The following ADGRB3 variants were observed in gnomAD, a reference collection of about 807,000 sequenced individuals.
ADGRB3 encodes adhesion G protein-coupled receptor B3, also known as brain-specific angiogenesis inhibitor 3.
In ADGRB3, 37 loss-of-function variants were observed where a neutral mutation model predicts 193.4. That is an observed-to-expected ratio of 0.19 (90% CI 0.15 to 0.25). ADGRB3 has a LOEUF of 0.25. Ranked by LOEUF, ADGRB3 falls within the 10% of genes least tolerant of loss-of-function variation. The probability of loss-of-function intolerance (pLI) is 1.00; values close to 1 mark genes in which losing one functional copy is unlikely to be tolerated. For synonymous variants in ADGRB3, 690 were observed against 644.2 expected (o/e 1.07, Z -1.08); for missense variants, 1,637 against 1,852.9 (o/e 0.88, Z 2.14).
intron 18 of ADGRB3, among the ~76,000 whole-genome samples, chr6:69,234,199 C>T (rs1016992627): frequency 5.3e-5 from 8 of 152,058 alleles, no homozygotes; most frequent in African/African-American, 1.9e-4. Flanking sequence ...TTAGAACACG[C>T]TTAAAGTGTA....
intron 27 of ADGRB3, among the ~76,000 whole-genome samples, chr6:69,355,046 C>T (rs1161420412): frequency 1.3e-5 from 2 of 152,058 alleles, no homozygotes; most frequent in African/African-American, 2.4e-5. Context: ...CTAGATGATA[C>T]ATTAGTAACT....
chr6:68,845,957 T>C (rs889479164), intron 3 of ADGRB3, among the ~76,000 whole-genome samples: 1 of 152,150 alleles, frequency 6.6e-6, no homozygotes, highest in Non-Finnish European at 1.5e-5. Context: ...TGGGAAAGTT[T>C]AGAACTTCCT....
intron 17 of ADGRB3, among the ~76,000 whole-genome samples, chr6:69,132,482 T>C (rs1774037766): frequency 6.6e-6 from 1 of 152,200 alleles, no homozygotes; most frequent in South Asian, 2.1e-4. Flanking sequence ...GTTTGTTTTT[T>C]TCTTGTAAAT....
At chr6:68,971,210 A>G (rs1046507422) in intron 8 of ADGRB3, among the ~76,000 whole-genome samples, 11 of 152,196 alleles carry the variant, frequency 7.2e-5, no homozygotes, top group African/African-American at 1.9e-4. Context: ...AACATGTACA[A>G]AGTTTTTTCT....
chr6:69,068,264 T>A (rs946691899), intron 16 of ADGRB3, among the ~76,000 whole-genome samples: 4 of 152,178 alleles, frequency 2.6e-5, no homozygotes, highest in African/African-American at 9.6e-5. Flanking sequence ...AAAACGCATA[T>A]GTGTGTTACA....
chr6:69,288,854 A>G (rs1199468462), intron 20 of ADGRB3, among the ~76,000 whole-genome samples: 2 of 152,090 alleles, frequency 1.3e-5, no homozygotes, highest in Non-Finnish European at 2.9e-5. Context: ...TGGTTTTCTT[A>G]TATGTCAAGG....
intron 17 of ADGRB3, among the ~76,000 whole-genome samples, chr6:69,160,597 T>C (rs192462883): frequency 6.6e-6 from 1 of 152,240 alleles, no homozygotes; most frequent in East Asian, 1.9e-4. Context: ...TCATCTAGCA[T>C]AGCTATTCGT....
chr6:68,991,955 C>T (rs9454665), intron 10 of ADGRB3, among the ~76,000 whole-genome samples: 4,348 of 152,190 alleles, frequency 0.029, 208 homozygotes, highest in African/African-American at 0.099. Context: ...AAAGCCCATT[C>T]CATTATATTG....
At chr6:69,342,398 A>G (rs1157848489) in intron 26 of ADGRB3, among the ~76,000 whole-genome samples, 2 of 152,106 alleles carry the variant, frequency 1.3e-5, no homozygotes, top group Non-Finnish European at 2.9e-5. Context: ...CTGTAAATAC[A>G]CAGAGCAGAT....
chr6:68,686,056 A>T (rs1303311231), intron 3 of ADGRB3, among the ~76,000 whole-genome samples: 4 of 152,184 alleles, frequency 2.6e-5, no homozygotes, highest in Admixed American at 2.6e-4. Flanking sequence ...TGTGTCCTTT[A>T]AAGGCTTTCT....
intron 3 of ADGRB3, among the ~76,000 whole-genome samples, chr6:68,796,623 A>G (rs1236484988): frequency 6.6e-6 from 1 of 152,182 alleles, no homozygotes; most frequent in Non-Finnish European, 1.5e-5. Context: ...GGTCTCTGTT[A>G]TCTTGGTGAC....
chr6:69,210,149 C>CATATATATATATATATATATGAT (rs1765629419), intron 17 of ADGRB3, among the ~76,000 whole-genome samples: 2 of 78,932 alleles, frequency 2.5e-5, no homozygotes, highest in South Asian at 3.3e-4. Context: ...TAATATATAT[C>CATATATATATATATATATATGAT]ATATATATAT....
At chr6:69,316,709 A>G (rs539111446) in intron 20 of ADGRB3, among the ~76,000 whole-genome samples, 1 of 151,610 alleles carries the variant, frequency 6.6e-6, no homozygotes, top group South Asian at 2.1e-4. Flanking sequence ...CTGTGGGATA[A>G]AAGCTTAGGG....
At chr6:69,323,190 A>C (rs1482024080) in intron 20 of ADGRB3, among the ~76,000 whole-genome samples, 1 of 152,008 alleles carries the variant, frequency 6.6e-6, no homozygotes, top group Non-Finnish European at 1.5e-5. Context: ...ACAGTTTAAA[A>C]ATAGAGATGG....
At chr6:68,779,832 C>A (rs1013890599) in intron 3 of ADGRB3, among the ~76,000 whole-genome samples, 1 of 152,080 alleles carries the variant, frequency 6.6e-6, no homozygotes, top group Non-Finnish European at 1.5e-5. Flanking sequence ...GTACTGACTT[C>A]TTTATTTCCC....
intron 11 of ADGRB3, among the ~76,000 whole-genome samples, chr6:68,994,669 A>G (rs1057030354): frequency 2.0e-4 from 31 of 152,224 alleles, no homozygotes; most frequent in African/African-American, 6.5e-4. Flanking sequence ...AACTCTTTTT[A>G]TGCTGTAGAT....
At chr6:68,857,456 T>A (rs1186160685) in intron 3 of ADGRB3, among the ~76,000 whole-genome samples, 1 of 152,148 alleles carries the variant, frequency 6.6e-6, no homozygotes, top group Non-Finnish European at 1.5e-5. Context: ...AGACATGGAG[T>A]CAAAGGTGAT....
chr6:69,249,001 G>A (rs2127265778), intron 20 of ADGRB3, among the ~76,000 whole-genome samples: 1 of 152,144 alleles, frequency 6.6e-6, no homozygotes, highest in South Asian at 2.1e-4. Flanking sequence ...TTTTTGAAAT[G>A]GAGTTTTGCT....
chr6:68,932,459 A>C (rs1379385801), intron 4 of ADGRB3, among the ~76,000 whole-genome samples: 1 of 152,188 alleles, frequency 6.6e-6, no homozygotes, highest in Non-Finnish European at 1.5e-5. Context: ...ACTAATTTCA[A>C]AATGATGAAT....
Sources: allele counts gnomAD v4.1 joint callset (sites outside exome capture counted in the v4.1 genomes callset), GRCh38; gene constraint gnomAD v4.1.1; transcripts MANE v1.5; gene names NCBI Gene and HGNC (gene_info 2026-07-23, HGNC 2026-07-21).